NUTM1: variants seen among roughly 807,000 people sequenced by gnomAD.
NUTM1 encodes the protein NUT family member 1.
A neutral mutation model predicts 88.7 loss-of-function variants in NUTM1; 39 were observed. That is an observed-to-expected ratio of 0.44 (90% CI 0.34 to 0.57). The LOEUF (loss-of-function observed/expected upper bound fraction) is 0.57, where lower values mean the gene tolerates loss of function less well. Among genes scored for constraint, NUTM1 ranks in the 20% least tolerant of loss-of-function variants. The pLI is 0.01. For missense variants in NUTM1, 1,350 were observed against 1,414.5 expected (o/e 0.95, Z 0.73); for synonymous variants, 494 against 538.0 (o/e 0.92, Z 1.13).
At chr15:34,349,573 A>C (rs1292805949) in intron 3 of NUTM1, among the ~76,000 whole-genome samples, 2 of 152,182 alleles carry the variant, frequency 1.3e-5, no homozygotes, top group African/African-American at 4.8e-5. Flanking sequence ...GCTGGGGAAC[A>C]GTCTTCCCTT....
At chr15:34,345,013 G>A (rs1187644562) in intron 1 of NUTM1, among the ~76,000 whole-genome samples, 1 of 147,490 alleles carries the variant, frequency 6.8e-6, no homozygotes, top group Non-Finnish European at 1.5e-5. Flanking sequence ...GCGAGACTCT[G>A]TTTAAAAAAA....
At position 34,356,858 on chromosome 15, in the gene NUTM1, A is replaced by T; in HGVS notation, c.2850A>T (p.Pro950=). 6.2e-7 allele frequency: 1 copy of T among 1,612,752 alleles called. No individual in the cohort carries two copies. The highest frequency in any genetic ancestry group is 8.5e-7 in the Non-Finnish European group (1 of 1,179,780). Reference sequence around the variant, plus strand: ...TAAGGGTCAGCGAGGACACCTGCCCACTGAATGTTCATTCTTATGACCCCC... The same window carrying T: ...TAAGGGTCAGCGAGGACACCTGCCCTCTGAATGTTCATTCTTATGACCCCC... The part of the protein sequence containing the change: ...LQLRVSEDTC[P]LNVHSYDPQG... Residue 950 remains proline, a synonymous_variant, in exon 8 of 8, where the codon CCA becomes CCT. Transcript: ENST00000537011.
In NUTM1 at chr15:34,355,972, G is replaced by C. The variant is rs1289197559; in HGVS notation, c.1964G>C (p.Gly655Ala). 1 of 1,614,184 alleles carries C rather than the reference G, an allele frequency of 6.2e-7. No individual in the cohort carries two copies. The highest frequency in any genetic ancestry group is 1.1e-5 in the South Asian group (1 of 91,086). ...GCTCTGCCCCTTTGTTGGCAGGGAG[G>C]CTTCCAGCCTGAGAGCACTCCCAGT... is the stretch of plus-strand genomic sequence containing the variant. ...SEALPLCWQG[G>A]FQPESTPSLD... Residue 655 changes from glycine to alanine, a missense_variant, in exon 8 of 8, where the codon GGC becomes GCC. Coordinates refer to ENST00000537011, the MANE Select transcript of NUTM1 (RefSeq NM_001284292.2). The surrounding 1 kb of genome is among the most constrained non-coding windows in gnomAD (Gnocchi z 4.3).
chr15:34,346,009 A>T lies in NUTM1; in HGVS notation c.74A>T (p.Lys25Ile). ...EASRQPQLVP[K>I]PERMASDGAS... Reference sequence around the variant, plus strand: ...TCCAGACAGCCACAGTTAGTGCCCAAACCTGAGAGGATGGCTTCAGATGGA... The same window carrying T: ...TCCAGACAGCCACAGTTAGTGCCCATACCTGAGAGGATGGCTTCAGATGGA... Residue 25 changes from lysine to isoleucine, a missense_variant, in exon 2 of 8, where the codon AAA (lysine) becomes ATA (isoleucine). By Grantham distance (102) the Lys-to-Ile change is moderately radical. Coordinates refer to ENST00000537011, the MANE Select transcript of NUTM1 (RefSeq NM_001284292.2). The T allele has an allele frequency of 6.2e-7, 1 of 1,614,176 alleles. No homozygotes were observed. Among genetic ancestry groups the T allele is most frequent in the Non-Finnish European group, 8.5e-7 (1 of 1,180,034 alleles).
rs372242826 is a variant in NUTM1 at position 34,347,998 on chromosome 15, A to G, written c.130A>G (p.Met44Val). ...TGCATTGCCGGGACCGGATATGAGCATGAAACCTAGTGCCGCCCCGTCTCC... is the reference window on the plus strand; with the variant it reads ...TGCATTGCCGGGACCGGATATGAGCGTGAAACCTAGTGCCGCCCCGTCTCC... ...ASALPGPDMS[M>V]KPSAAPSPSP... Residue 44 changes from methionine (M) to valine (V), a missense_variant, in exon 3 of 8, where the codon ATG becomes GTG. Transcript: ENST00000537011. 2.5e-6 allele frequency: 4 copies of G among 1,613,268 alleles called. No individual in the cohort carries two copies. Among genetic ancestry groups the G allele is most frequent in the Non-Finnish European group, 3.4e-6 (4 of 1,179,540 alleles).
In NUTM1 at chr15:34,356,564, G is replaced by A; in HGVS notation, c.2556G>A (p.Gln852=). The A allele has an allele frequency of 6.2e-7, 1 of 1,614,042 alleles. No individual in the cohort carries two copies. Among genetic ancestry groups the A allele is most frequent in the East Asian group, 2.2e-5 (1 of 44,876 alleles). ...PPLRSKENQE[Q]SCETVGHPSD... ...TGAGGTCCAAAGAAAATCAAGAACAGAGCTGTGAAACCGTAGGGCATCCCA... is the reference window on the plus strand; with the variant it reads ...TGAGGTCCAAAGAAAATCAAGAACAAAGCTGTGAAACCGTAGGGCATCCCA... The change falls in exon 8 of 8, where the codon CAG becomes CAA. Residue 852 remains glutamine, a synonymous_variant. Coordinates refer to ENST00000537011, the MANE Select transcript of NUTM1 (RefSeq NM_001284292.2).
chr15:34,355,943 A>G lies in NUTM1; in HGVS notation c.1935A>G (p.Ser645=). Reference sequence around the variant, plus strand: ...ACTGCCTGGTGGCTGATAGGACTTCAGAGGCTCTGCCCCTTTGTTGGCAGG... The same window carrying G: ...ACTGCCTGGTGGCTGATAGGACTTCGGAGGCTCTGCCCCTTTGTTGGCAGG... ...PGHCLVADRT[S]EALPLCWQGG... is the part of the protein sequence containing the mutation. The change falls in exon 8 of 8, where the codon TCA becomes TCG. Residue 645 remains serine (S), a synonymous_variant. Transcript: ENST00000537011. This position sits in a 1 kb window ranked among gnomAD's most constrained non-coding sequence, Gnocchi z 4.3. 6.2e-7 allele frequency: 1 copy of G among 1,614,136 alleles called. No individual in the cohort carries two copies. Among genetic ancestry groups the G allele is most frequent in the Non-Finnish European group, 8.5e-7 (1 of 1,179,992 alleles).
intron 2 of NUTM1, 61 bp downstream of exon 2, chr15:34,346,096 C>T: frequency 6.5e-7 from 1 of 1,546,056 alleles, no homozygotes; most frequent in Non-Finnish European, 8.9e-7. Flanking sequence ...GAGACAAGCT[C>T]TCTGGGCTGA....
Position 34,343,446 on chromosome 15 carries a change from G to C in NUTM1, c.-251G>C. On this transcript the variant is annotated 5_prime_UTR_variant, in exon 1 of 8. Coordinates refer to ENST00000537011, the MANE Select transcript of NUTM1 (RefSeq NM_001284292.2). ...GAGCAGTGAGTTTTCAATGCCTGAA[G>C]AAACAAGGGCTCCAGGATTCAGAGC... The C allele has an allele frequency of 1.3e-6, 1 of 784,484 alleles. No individual in the cohort carries two copies. The highest frequency in any genetic ancestry group is 2.0e-6 in the Non-Finnish European group (1 of 505,522). The allele number at this position is 784,484 out of a possible 1,614,324, so 48.6% of individuals were successfully genotyped here. A position where few individuals can be genotyped will look rare whatever the true frequency, so the allele number is the denominator to read the frequency against.
chr15:34,357,709 T>C lies in NUTM1; in HGVS notation c.*218T>C. ...TGGAAGGAGCTATATAGAAAAAAAA[T>C]GAATAAAGTGTTTTGTTGGAAAATG... On this transcript the variant is annotated 3_prime_UTR_variant, in exon 8 of 8. Transcript: ENST00000537011. The C allele has an allele frequency of 1.2e-6, 1 of 814,306 alleles. No individual in the cohort carries two copies. The highest frequency in any genetic ancestry group is 2.0e-6 in the Non-Finnish European group (1 of 499,676). 50.4% of individuals were successfully genotyped at this position (814,306 alleles called of 1,614,324 possible). A position where few individuals can be genotyped will look rare whatever the true frequency, so the allele number is the denominator to read the frequency against.
At position 34,345,953 on chromosome 15, in the gene NUTM1, T is replaced by TTA. The variant is rs1890578626; in HGVS notation, c.18_19insTA (p.Pro7TyrfsTer17). On this transcript the variant is annotated frameshift_variant, in exon 2 of 8. Coordinates refer to ENST00000537011, the MANE Select transcript of NUTM1 (RefSeq NM_001284292.2). LOFTEE classifies it high-confidence loss of function. ...CCTACTGGAGCCAGGTTACTCTGGG[T>TTA]CCTGGACCTGACTGCCTCATTCTGG... 1 of 1,613,968 alleles carries TTA rather than the reference T, an allele frequency of 6.2e-7. No homozygotes were observed. The highest frequency in any genetic ancestry group is 8.5e-7 in the Non-Finnish European group (1 of 1,179,952).
rs763957574 is a variant in NUTM1 at position 34,356,139 on chromosome 15, G to A, written c.2131G>A (p.Gly711Ser). ...GGAGCCTTTAGCAGTGCCCTGGGAA[G>A]GCTCTTCAGGAGCCATGTGGGGAGA... ...GKEPLAVPWEGSSGAMWGDDR... is the reference protein window; with the variant it reads ...GKEPLAVPWESSSGAMWGDDR... Residue 711 changes from glycine to serine, a missense_variant, in exon 8 of 8, where the codon GGC becomes AGC. Gly to Ser is a moderately conservative substitution (Grantham distance 56, BLOSUM62 0). Coordinates refer to ENST00000537011, the MANE Select transcript of NUTM1 (RefSeq NM_001284292.2). 11 of 1,612,684 alleles carry A rather than the reference G, an allele frequency of 6.8e-6. No individual in the cohort carries two copies. In the Middle Eastern group the frequency reaches 6.6e-4, roughly 96 times the overall value.
chr15:34,355,626 C>G lies in NUTM1; in HGVS notation c.1618C>G (p.Pro540Ala). 6.2e-7 allele frequency: 1 copy of G among 1,612,610 alleles called. No homozygotes were observed. The highest frequency in any genetic ancestry group is 8.5e-7 in the Non-Finnish European group (1 of 1,179,316). Residue 540 changes from proline to alanine, a missense_variant, in exon 8 of 8, where the codon CCT becomes GCT. By Grantham distance (27) the Pro-to-Ala change is conservative. Coordinates refer to ENST00000537011, the MANE Select transcript of NUTM1 (RefSeq NM_001284292.2). The surrounding 1 kb of genome is among the most constrained non-coding windows in gnomAD (Gnocchi z 4.3). ...EDGDGRLRPS[P>A]GLQGAGGAAC... ...TGGGGATGGGCGGCTTCGGCCCTCA[C>G]CTGGGCTTCAGGGGGCTGGGGGCGC...
chr15:34,355,387 GCTTGCCTTC>G lies in NUTM1; in HGVS notation c.1480-94_1480-86del. Reference sequence around the variant, plus strand: ...TTTGCTACCATCGCTTAAACTACTTGCTTGCCTTCCTTGCCCTGCCCAAATACCGTCTTG... The same window carrying G: ...TTTGCTACCATCGCTTAAACTACTTGCTTGCCCTGCCCAAATACCGTCTTG... On this transcript the variant is annotated intron_variant, in intron 7 of 7. Coordinates refer to ENST00000537011, the MANE Select transcript of NUTM1 (RefSeq NM_001284292.2). The surrounding 1 kb of genome is among the most constrained non-coding windows in gnomAD (Gnocchi z 4.3). The G allele has an allele frequency of 3.4e-6, 4 of 1,173,104 alleles. No homozygotes were observed. The highest frequency in any genetic ancestry group is 3.7e-6 in the Non-Finnish European group (3 of 805,902). The allele number at this position is 1,173,104 out of a possible 1,614,324, so 72.7% of individuals were successfully genotyped here.
rs765336791 is a variant in NUTM1, at chr15:34,355,733, C to T, written c.1725C>T (p.Pro575=). 6.2e-7 allele frequency: 1 copy of T among 1,613,984 alleles called. No homozygotes were observed. Among genetic ancestry groups the T allele is most frequent in the Non-Finnish European group, 8.5e-7 (1 of 1,179,930 alleles). ...GGCAGGAGCAAGCCCTAGATAGCCCCAGAGGGATGCACAGGGATGGGAACA... is the reference window on the plus strand; with the variant it reads ...GGCAGGAGCAAGCCCTAGATAGCCCTAGAGGGATGCACAGGGATGGGAACA... ...HGGQEQALDS[P]RGMHRDGNTL... Residue 575 remains proline, a synonymous_variant, in exon 8 of 8, where the codon CCC becomes CCT. Transcript: ENST00000537011. The surrounding 1 kb of genome is among the most constrained non-coding windows in gnomAD (Gnocchi z 4.3).
In NUTM1 at chr15:34,355,852, G is replaced by A. The variant is rs763068881; in HGVS notation, c.1844G>A (p.Gly615Glu). The change falls in exon 8 of 8, where the codon GGG becomes GAG. Residue 615 changes from glycine to glutamate, a missense_variant. By Grantham distance (98) the Gly-to-Glu change is moderately conservative. Coordinates refer to ENST00000537011, the MANE Select transcript of NUTM1 (RefSeq NM_001284292.2). The surrounding 1 kb of genome is among the most constrained non-coding windows in gnomAD (Gnocchi z 4.3). The part of the protein sequence containing the change: ...GPLGVERRGS[G>E]KVINQVSLHQ... ...TTGGGTGTGGAGAGGAGAGGGTCTG[G>A]GAAGGTTATAAACCAGGTATCTCTA... 3.1e-6 allele frequency: 5 copies of A among 1,613,886 alleles called. No individual in the cohort carries two copies. The African/African-American group carries it at 6.7e-5, about 22-fold the overall frequency.
At chr15:34,351,504 G>A (rs950590196) in intron 4 of NUTM1, among the ~76,000 whole-genome samples, 2 of 151,972 alleles carry the variant, frequency 1.3e-5, no homozygotes, top group Admixed American at 6.6e-5. Context: ...TTTCTATCCT[G>A]TTTCCTCTTG....
At position 34,348,037 on chromosome 15, in the gene NUTM1, C is replaced by T. The variant is rs1287355848; in HGVS notation, c.169C>T (p.Pro57Ser). ...CGCCCCGTCTCCATCCCCTGCACTTCCCTTTCTCCCACCAACTTCTGACCC... is the reference window on the plus strand; with the variant it reads ...CGCCCCGTCTCCATCCCCTGCACTTTCCTTTCTCCCACCAACTTCTGACCC... The part of the protein sequence containing the change: ...SAAPSPSPAL[P>S]FLPPTSDPPD... Residue 57 changes from proline (P) to serine (S), a missense_variant, in exon 3 of 8, where the codon CCC becomes TCC. Coordinates refer to ENST00000537011, the MANE Select transcript of NUTM1 (RefSeq NM_001284292.2). The T allele has an allele frequency of 1.2e-6, 2 of 1,614,100 alleles. No homozygotes were observed. The highest frequency in any genetic ancestry group is 2.2e-5 in the South Asian group (2 of 91,070).
chr15:34,344,344 A>G (rs1890543940), intron 1 of NUTM1, among the ~76,000 whole-genome samples: 1 of 146,110 alleles, frequency 6.8e-6, no homozygotes, highest in African/African-American at 2.6e-5. Context: ...AACCCCCAAA[A>G]ATACAAAAAT....
Sources: allele counts gnomAD v4.1 joint callset (sites outside exome capture counted in the v4.1 genomes callset), GRCh38; gene constraint gnomAD v4.1.1; non-coding constraint Gnocchi (gnomAD v3.1); transcripts MANE v1.5; gene names NCBI Gene and HGNC (gene_info 2026-07-23, HGNC 2026-07-21).